Variants in FAM240B observed in about 807,000 individuals in gnomAD.
FAM240B encodes protein FAM240B.
chr9:38,710,220 G>A (rs533723686), intron 1 of FAM240B, among the ~76,000 whole-genome samples: 4 of 152,202 alleles, frequency 2.6e-5, no homozygotes, highest in East Asian at 1.9e-4. Context: ...CGCCTGCCTC[G>A]GCCTCCCAAA....
chr9:38,704,215 G>T (rs1448569321), intron 1 of FAM240B, among the ~76,000 whole-genome samples: 1 of 150,572 alleles, frequency 6.6e-6, no homozygotes, highest in Non-Finnish European at 1.5e-5. Context: ...AAAACATCAT[G>T]AAAAATTTTG....
intron 1 of FAM240B, among the ~76,000 whole-genome samples, chr9:38,709,345 T>C (rs62567674): frequency 0.055 from 8,394 of 152,336 alleles, 322 homozygotes; most frequent in Non-Finnish European, 0.086. Context: ...CTGTAGCTGG[T>C]ATGGCCCTCT....
intron 1 of FAM240B, chr9:38,705,548 C>A (rs1458947727): frequency 7.0e-6 from 1 of 143,074 alleles, no homozygotes; most frequent in Non-Finnish European, 1.5e-5. Flanking sequence ...GAGATCGCGC[C>A]ACTGCACTCC....
chr9:38,700,743 C>T (rs554907705), intron 2 of FAM240B, among the ~76,000 whole-genome samples: 151 of 152,310 alleles, frequency 9.9e-4, no homozygotes, highest in African/African-American at 3.6e-3. Flanking sequence ...TGTTCTGTTG[C>T]TTTTCTCTAT....
chr9:38,701,809 G>T (rs1010314139), intron 2 of FAM240B, among the ~76,000 whole-genome samples: 2 of 152,076 alleles, frequency 1.3e-5, no homozygotes, highest in Admixed American at 6.6e-5. Flanking sequence ...AATGCATTTT[G>T]TTCTATGGAC....
At chr9:38,699,762 G>T (rs1162710384) in intron 2 of FAM240B, among the ~76,000 whole-genome samples, 2 of 152,206 alleles carry the variant, frequency 1.3e-5, no homozygotes, top group African/African-American at 4.8e-5. Flanking sequence ...TCCTCTGAGT[G>T]GGGCACTTCT....
intron 1 of FAM240B, among the ~76,000 whole-genome samples, chr9:38,709,840 T>C (rs1821231699): frequency 6.6e-6 from 1 of 152,244 alleles, no homozygotes; most frequent in African/African-American, 2.4e-5. Context: ...GTGCAATTGA[T>C]TTTTGTTTAT....
chr9:38,701,773 T>C (rs1006963140), intron 2 of FAM240B, among the ~76,000 whole-genome samples: 27 of 152,218 alleles, frequency 1.8e-4, no homozygotes, highest in African/African-American at 6.3e-4. Context: ...GGGTCATTTC[T>C]AGGGAACATG....
chr9:38,707,824 C>T (rs1821208864), intron 1 of FAM240B, among the ~76,000 whole-genome samples: 1 of 151,240 alleles, frequency 6.6e-6, no homozygotes, highest in South Asian at 2.1e-4. Context: ...TAGGGTGAAC[C>T]CAAAGGAAAT....
chr9:38,711,743 G>A (rs532416192), intron 1 of FAM240B, among the ~76,000 whole-genome samples: 5 of 144,690 alleles, frequency 3.5e-5, no homozygotes, highest in South Asian at 2.3e-4. Flanking sequence ...TGTAACCTCC[G>A]CCTCCAGGGT....
At chr9:38,718,662 A>G (rs1821335235) in intron 1 of FAM240B, among the ~76,000 whole-genome samples, 2 of 152,358 alleles carry the variant, frequency 1.3e-5, no homozygotes, top group Non-Finnish European at 2.9e-5. Context: ...TCAAAAATAA[A>G]AAATAATTAT....
chr9:38,708,191 G>A (rs143753233), intron 1 of FAM240B, among the ~76,000 whole-genome samples: 8 of 152,296 alleles, frequency 5.3e-5, no homozygotes, highest in African/African-American at 1.9e-4. Flanking sequence ...TCTGCAGGTA[G>A]AACCTATGTC....
intron 1 of FAM240B, among the ~76,000 whole-genome samples, chr9:38,712,416 A>G (rs1157107988): frequency 1.3e-5 from 2 of 152,214 alleles, no homozygotes; most frequent in East Asian, 3.8e-4. Flanking sequence ...TCAATATTAA[A>G]TGTGTCTCAT....
At chr9:38,717,113 C>A (rs1821312829) in intron 1 of FAM240B, among the ~76,000 whole-genome samples, 1 of 152,146 alleles carries the variant, frequency 6.6e-6, no homozygotes, top group African/African-American at 2.4e-5. Context: ...GAGGGAAGCG[C>A]CCAGGGAAGC....
intron 2 of FAM240B, among the ~76,000 whole-genome samples, chr9:38,698,034 G>A (rs1489579180): frequency 6.6e-6 from 1 of 152,194 alleles, no homozygotes; most frequent in Non-Finnish European, 1.5e-5. Context: ...TATGGCTATG[G>A]CTGCTTTCAC....
chr9:38,705,364 C>A (rs1276703951), intron 1 of FAM240B: 1 of 152,378 alleles, frequency 6.6e-6, no homozygotes, highest in South Asian at 2.1e-4. Context: ...CCGAGGCGGG[C>A]GGATCACGAG....
At chr9:38,703,550 G>A (rs540623572) in intron 2 of FAM240B, among the ~76,000 whole-genome samples, 15 of 152,236 alleles carry the variant, frequency 9.9e-5, no homozygotes, top group East Asian at 3.9e-4. Context: ...AGAGGTTCCC[G>A]CTAGCTCTTC....
chr9:38,695,428 G>C (rs1821059031), intron 2 of FAM240B, among the ~76,000 whole-genome samples: 1 of 152,230 alleles, frequency 6.6e-6, no homozygotes, highest in Non-Finnish European at 1.5e-5. Context: ...GGGAGGCTGA[G>C]ATGGGAGAAT....
At chr9:38,698,807 A>T (rs1821093130) in intron 2 of FAM240B, among the ~76,000 whole-genome samples, 1 of 152,232 alleles carries the variant, frequency 6.6e-6, no homozygotes, top group Non-Finnish European at 1.5e-5. Context: ...TAAGGAATTC[A>T]GGCCTCCATC....
Sources: gnomAD v4.1 joint callset for allele counts (sites outside exome capture counted in the v4.1 genomes callset) on GRCh38, gnomAD v4.1.1 for gene constraint, MANE v1.5 for transcripts, NCBI Gene and HGNC (gene_info 2026-07-23, HGNC 2026-07-21) for gene names.